Variants in NOTCH1 observed in about 807,000 individuals in gnomAD.
The protein encoded by NOTCH1 is notch receptor 1.
Under a neutral mutation model 254.8 loss-of-function variants are expected in NOTCH1, and 37 were observed. The observed-to-expected ratio is 0.15, with a 90% CI of 0.11 to 0.19. NOTCH1 has a LOEUF of 0.19. Ranked by LOEUF, NOTCH1 falls within the 10% of genes least tolerant of loss-of-function variation. The probability of loss-of-function intolerance (pLI) is 1.00; values close to 1 mark genes in which losing one functional copy is unlikely to be tolerated. For missense variants in NOTCH1, 2,972 were observed against 3,708.6 expected, an observed-to-expected ratio of 0.80 and a Z score of 5.16; for synonymous variants, 1,731 against 1,618.1, an observed-to-expected ratio of 1.07 and a Z score of -1.68.
chr9:136,502,798 G>C (rs1426832438), intron 27 of NOTCH1: 12 of 565,988 alleles, frequency 2.1e-5, no homozygotes, highest in Admixed American at 1.2e-4. Flanking sequence ...AGGATTTAGA[G>C]GGATTTTCAA....
chr9:136,536,571 G>A (rs1046182290), intron 2 of NOTCH1, among the ~76,000 whole-genome samples: 3 of 152,178 alleles, frequency 2.0e-5, no homozygotes, highest in African/African-American at 7.2e-5. Flanking sequence ...GCCCCCCGCT[G>A]CCCCAGCCAC....
rs1004934663 is a variant in NOTCH1, at chr9:136,513,934, T to A, written c.2208-397A>T. Among the ~76,000 whole-genome samples the A allele has an allele frequency of 1.3e-5, 2 of 152,098 alleles. No homozygotes were observed. The highest frequency in any genetic ancestry group is 6.6e-5 in the Admixed American group (1 of 15,262). On this transcript the variant is annotated intron_variant, in intron 13 of 33. Coordinates refer to ENST00000651671, the MANE Select transcript of NOTCH1 (RefSeq NM_017617.5). This position sits in a 1 kb window ranked among gnomAD's most constrained non-coding sequence, Gnocchi z 4.7. ...GTGAGCTGAGATCATGCCATTGCAC[T>A]CCAGCCTGGACAACAGAGCAAGGCT... is the stretch of plus-strand genomic sequence containing the variant.
Position 136,517,212 on chromosome 9 carries a change from C to A in NOTCH1, c.1555+60G>T, listed in dbSNP as rs11574886. The stretch of plus-strand genomic sequence containing the variant: ...GCAGGGGACACAACCCACGCCCAGG[C>A]ACCCCTCAGGAGGCCAGGGTGCAGA... On this transcript the variant is annotated intron_variant, in intron 9 of 33. Transcript: ENST00000651671. 29,106 of 1,116,308 alleles carry A rather than the reference C, an allele frequency of 0.026. 841 individuals carry two copies. Among genetic ancestry groups the A allele is most frequent in the Admixed American group, 0.13 (6,815 of 50,484 alleles). 69.2% of individuals were successfully genotyped at this position (1,116,308 alleles called of 1,614,324 possible).
At chr9:136,528,855 AC>A (rs1216165433) in intron 2 of NOTCH1, among the ~76,000 whole-genome samples, 5 of 151,848 alleles carry the variant, frequency 3.3e-5, no homozygotes, top group Non-Finnish European at 7.4e-5. Flanking sequence ...CTCCCCAGAC[AC>A]CCCCAACAGC....
chr9:136,517,540 C>T (rs956950978), intron 8 of NOTCH1, among the ~76,000 whole-genome samples, 155 bp from the exon 9 acceptor site: 3 of 152,158 alleles, frequency 2.0e-5, no homozygotes, highest in African/African-American at 7.2e-5. Context: ...GCCCGTGGCC[C>T]CTGGCCCGGC....
At chr9:136,504,449 A>G (rs1843045080) in intron 26 of NOTCH1, among the ~76,000 whole-genome samples, 1 of 152,234 alleles carries the variant, frequency 6.6e-6, no homozygotes, top group South Asian at 2.1e-4. Context: ...GTGGCCCAGG[A>G]AAAGGGTGTG....
In NOTCH1 at chr9:136,509,754, T is replaced by G. The variant is rs2133350350; in HGVS notation, c.2948A>C (p.Asn983Thr). The change falls in exon 18 of 34, where the codon AAC (asparagine) becomes ACC (threonine). Residue 983 changes from asparagine (N) to threonine (T), a missense_variant. Asn to Thr is a moderately conservative substitution (Grantham distance 65, BLOSUM62 0). This residue lies in a region of NOTCH1 where 1,343 missense variants were observed against 1,557.0 expected (regional missense o/e 0.86). Transcript: ENST00000651671. ...AGFSGIHCEN[N>T]TPDCTESSCF... is the part of the protein sequence containing the mutation. ...ACACCTCTCTGTGCAGTCAGGCGTG[T>G]TGTTCTCACAGTGGATCCCGCTGAA... 1.9e-6 allele frequency: 3 copies of G among 1,612,972 alleles called. No homozygotes were observed. The highest frequency in any genetic ancestry group is 2.5e-6 in the Non-Finnish European group (3 of 1,179,964).
In NOTCH1 at chr9:136,527,236, C is replaced by T. The variant is rs139427905; in HGVS notation, c.141-3257G>A. Among the ~76,000 whole-genome samples the T allele has an allele frequency of 4.6e-3, 700 of 152,356 alleles. 4 individuals carry two copies. Among genetic ancestry groups the T allele is most frequent in the African/African-American group, 0.016 (656 of 41,590 alleles). On this transcript the variant is annotated intron_variant, in intron 2 of 33. Transcript: ENST00000651671. ...AGACGGCGAACACCTGCCCTCCGCACAGCACCCAGACGTCCCTGAGAAGGT... is the reference window on the plus strand; with the variant it reads ...AGACGGCGAACACCTGCCCTCCGCATAGCACCCAGACGTCCCTGAGAAGGT...
chr9:136,507,594 C>T (rs949493122), intron 21 of NOTCH1, among the ~76,000 whole-genome samples, 157 bp from the exon 22 acceptor site: 5 of 152,240 alleles, frequency 3.3e-5, no homozygotes, highest in African/African-American at 1.2e-4. Flanking sequence ...GAGAGAGACC[C>T]AGCCCAACAG....
In NOTCH1 at chr9:136,546,001, CCCCGCGCCCCGCGCCCTTGCGCTCCCT is replaced by C. The variant is rs1843812483; in HGVS notation, c.-242_-216del. Among the ~76,000 whole-genome samples the C allele has an allele frequency of 1.6e-5, 2 of 125,240 alleles. No homozygotes were observed. Among genetic ancestry groups the C allele is most frequent in the African/African-American group, 3.8e-5 (1 of 26,166 alleles). The allele number at this position is 125,240 out of a possible 152,430, so 82.2% of individuals were successfully genotyped here. A position where few individuals can be genotyped will look rare whatever the true frequency, so the allele number is the denominator to read the frequency against. ...CGCTGCGCTCGCGCCCGCGCCCGCGCCCCGCGCCCCGCGCCCTTGCGCTCCCTCCCGCGGCCGAGGCACTAGTGAGGC... is the reference window on the plus strand; with the variant it reads ...CGCTGCGCTCGCGCCCGCGCCCGCGCCCCGCGGCCGAGGCACTAGTGAGGC... On this transcript the variant is annotated 5_prime_UTR_variant, in exon 1 of 34. Transcript: ENST00000651671.
chr9:136,517,631 G>C (rs1843297164), intron 8 of NOTCH1, 121 bp downstream of exon 8: 5 of 1,268,142 alleles, frequency 3.9e-6, no homozygotes, highest in Middle Eastern at 2.4e-4. Flanking sequence ...TGTGCAGGCT[G>C]TGGGCCCAGA....
intron 4 of NOTCH1, among the ~76,000 whole-genome samples, chr9:136,520,598 G>A (rs933632296): frequency 2.0e-5 from 3 of 152,254 alleles, no homozygotes; most frequent in Non-Finnish European, 2.9e-5. Context: ...GTAGCAAAGC[G>A]TGGTGGCGCC....
chr9:136,499,669 C>T (rs1842967310), intron 31 of NOTCH1, among the ~76,000 whole-genome samples: 1 of 115,952 alleles, frequency 8.6e-6, no homozygotes, highest in Non-Finnish European at 1.8e-5. Context: ...CCGGCTCTGC[C>T]CAGAGAGGGG....
At chr9:136,519,625 ACCC>A (rs761286352) in intron 4 of NOTCH1, 60 bp from the exon 5 acceptor site, 42 of 1,609,956 alleles carry the variant, frequency 2.6e-5, no homozygotes, top group Non-Finnish European at 3.6e-5. Context: ...TCCTGCCTGG[ACCC>A]CCGACACACT....
At chr9:136,516,952 G>A (rs1283044005) in intron 9 of NOTCH1, among the ~76,000 whole-genome samples, 2 of 151,284 alleles carry the variant, frequency 1.3e-5, no homozygotes, top group African/African-American at 4.9e-5. Context: ...CCAGGGGCAG[G>A]GGACACAACC....
At chr9:136,503,111 G>T in intron 27 of NOTCH1, 71 bp downstream of exon 27, 1 of 1,601,508 alleles carries the variant, frequency 6.2e-7, no homozygotes. Flanking sequence ...CAAACAGCCA[G>T]CGTGTCTGGG....
rs766045141 is a variant in NOTCH1, at chr9:136,511,264, C to T, written c.2475G>A (p.Thr825=). ...CNCLLPYTGA[T]CEVVLAPCAP... ...CACACGGGGCCAGCACCACCTCACA[C>T]GTGGCACCTGCGGGAAGGAGACACA... The change falls in exon 16 of 34, where the codon ACG becomes ACA. Residue 825 remains threonine (T), a synonymous_variant. Transcript: ENST00000651671. 76 of 1,611,518 alleles carry T rather than the reference C, an allele frequency of 4.7e-5. No homozygotes were observed. The highest frequency in any genetic ancestry group is 6.6e-5 in the South Asian group (6 of 91,050).
intron 3 of NOTCH1, 144 bp from the exon 4 acceptor site, chr9:136,523,332 C>T (rs935806454): frequency 1.5e-5 from 14 of 904,282 alleles, no homozygotes; most frequent in Non-Finnish European, 2.4e-5. Context: ...TGCCGTGAGA[C>T]CGGTCGCCTT....
Position 136,518,231 on chromosome 9 carries a change from G to A in NOTCH1, c.1161C>T (p.Cys387=), listed in dbSNP as rs761176244. The A allele has an allele frequency of 2.0e-5, 33 of 1,610,026 alleles. No homozygotes were observed. The highest frequency in any genetic ancestry group is 1.6e-4 in the Middle Eastern group (1 of 6,066). Residue 387 remains cysteine, a synonymous_variant, in exon 7 of 34, where the codon TGC becomes TGT. Coordinates refer to ENST00000651671, the MANE Select transcript of NOTCH1 (RefSeq NM_017617.5). The stretch of plus-strand genomic sequence containing the variant: ...CCTTGCCATTGACAGGGTTGGTGTC[G>A]CAGTTGGAGCCCTCGTTACAGGGGT... ...ISNPCNEGSN[C]DTNPVNGKAI...
Sources: gnomAD v4.1 joint callset for allele counts (sites outside exome capture counted in the v4.1 genomes callset) on GRCh38, gnomAD v4.1.1 for gene constraint, gnomAD v4.1.1 regional missense constraint, Gnocchi (gnomAD v3.1) non-coding constraint, MANE v1.5 for transcripts, NCBI Gene and HGNC (gene_info 2026-07-23, HGNC 2026-07-21) for gene names.